The following TACC2 variants were observed in gnomAD, a reference collection of about 807,000 sequenced individuals.
TACC2 encodes transforming acidic coiled-coil-containing protein 2.
Under a neutral mutation model 227.3 loss-of-function variants are expected in TACC2, and 137 were observed. The ratio of observed to expected loss-of-function variants is 0.60; its 90% CI spans 0.52 to 0.69. The LOEUF is 0.69. TACC2 is among the 30% of genes least tolerant of loss of function. TACC2 has a pLI of 0.00. For missense variants in TACC2, 3,470 were observed against 3,694.4 expected, an observed-to-expected ratio of 0.94 and a Z score of 1.57; for synonymous variants, 1,523 against 1,487.5, an observed-to-expected ratio of 1.02 and a Z score of -0.55.
rs2079816817 is a variant in TACC2 at position 122,083,925 on chromosome 10, T to C, written c.1425T>C (p.Leu475=). ...GACTGGAGAGGCAGGTGTCAGATCTTGGAAGCAAGGGAGAGCATCCAGAAG... is the reference window on the plus strand; with the variant it reads ...GACTGGAGAGGCAGGTGTCAGATCTCGGAAGCAAGGGAGAGCATCCAGAAG... The part of the protein sequence containing the change: ...LVGLERQVSD[L]GSKGEHPEGD... Residue 475 remains leucine, a synonymous_variant, in exon 4 of 23, where the codon CTT becomes CTC. Coordinates refer to ENST00000369005, the MANE Select transcript of TACC2 (RefSeq NM_206862.4). 1.9e-6 allele frequency: 3 copies of C among 1,614,028 alleles called. No individual in the cohort carries two copies. Among genetic ancestry groups the C allele is most frequent in the Non-Finnish European group, 2.5e-6 (3 of 1,179,992 alleles).
intron 3 of TACC2, among the ~76,000 whole-genome samples, chr10:122,078,638 A>G (rs1043348547): frequency 4.6e-5 from 7 of 152,236 alleles, no homozygotes; most frequent in Non-Finnish European, 1.0e-4. Context: ...CAGAGGCTCT[A>G]TCCCACACAT....
intron 22 of TACC2, among the ~76,000 whole-genome samples, chr10:122,250,379 G>A (rs576963350): frequency 2.0e-5 from 3 of 152,334 alleles, no homozygotes; most frequent in South Asian, 2.1e-4. Flanking sequence ...GTTCCCCTGC[G>A]TAGTCATCCA....
At chr10:122,022,297 A>G in intron 2 of TACC2, 1 of 340,972 alleles carries the variant, frequency 2.9e-6, no homozygotes. Context: ...GCTTGAATGC[A>G]GTGGCATGAT....
intron 1 of TACC2, among the ~76,000 whole-genome samples, chr10:122,012,281 G>A (rs1184748810): frequency 6.6e-6 from 1 of 151,772 alleles, no homozygotes; most frequent in Non-Finnish European, 1.5e-5. Context: ...TTAGCTGGGT[G>A]TGGTGGCACA....
intron 7 of TACC2, chr10:122,192,511 T>G (rs2094442481): frequency 2.8e-6 from 1 of 358,246 alleles, no homozygotes; most frequent in Non-Finnish European, 5.6e-6. Context: ...AATCTCTGCT[T>G]GAGTGGGGCA....
At chr10:122,153,937 G>A (rs939268488) in intron 7 of TACC2, among the ~76,000 whole-genome samples, 3 of 152,022 alleles carry the variant, frequency 2.0e-5, no homozygotes, top group South Asian at 2.1e-4. Flanking sequence ...TCCTCCCTCC[G>A]GGCCCCCAAT....
At chr10:121,992,010 A>T (rs1236895792) in intron 1 of TACC2, among the ~76,000 whole-genome samples, 3 of 152,118 alleles carry the variant, frequency 2.0e-5, no homozygotes, top group African/African-American at 7.2e-5. Context: ...TGAGAACAAC[A>T]TGGGAAAGAC....
Position 122,043,491 on chromosome 10 carries a change from CTT to C in TACC2, c.34-6945_34-6944del, listed in dbSNP as rs1287934264. ...TTTCTTTCTTTTTCTCTTTCTTTTT[CTT>C]TCTTTCTTTTTCTCTTTCTTTTTCT... On this transcript the variant is annotated intron_variant, in intron 2 of 22. Transcript: ENST00000369005. 8.7e-3 allele frequency among the ~76,000 whole-genome samples: 1,289 copies of C among 148,816 alleles called. 20 individuals are homozygous for C. Among genetic ancestry groups the C allele is most frequent in the African/African-American group, 0.03 (1,222 of 40,440 alleles).
At position 122,192,445 on chromosome 10, in the gene TACC2, G is replaced by A. The variant is rs1220762609; in HGVS notation, c.5835-2595G>A. 1.8e-5 allele frequency: 6 copies of A among 327,044 alleles called. No individual in the cohort carries two copies. The East Asian group carries it at 3.1e-4, about 17-fold the overall frequency. 20.3% of individuals were successfully genotyped at this position (327,044 alleles called of 1,614,324 possible). ...CCTTTGTGCTTCAGAGCCTGCTGTCGCCAGTGCCCAGGAATGCAGAAGCCA... is the reference window on the plus strand; with the variant it reads ...CCTTTGTGCTTCAGAGCCTGCTGTCACCAGTGCCCAGGAATGCAGAAGCCA... On this transcript the variant is annotated intron_variant, in intron 7 of 22. Coordinates refer to ENST00000369005, the MANE Select transcript of TACC2 (RefSeq NM_206862.4).
intron 6 of TACC2, 52 bp from the exon 7 acceptor site, chr10:122,143,520 G>A: frequency 6.3e-7 from 1 of 1,584,888 alleles, no homozygotes; most frequent in Non-Finnish European, 8.6e-7. Context: ...TGATGAATGT[G>A]CCATTAATGA....
chr10:122,045,269 A>G (rs1373023459), intron 2 of TACC2, among the ~76,000 whole-genome samples: 1 of 152,228 alleles, frequency 6.6e-6, no homozygotes, highest in African/African-American at 2.4e-5. Flanking sequence ...TCCAATTGCT[A>G]TAATTCCTTG....
chr10:122,143,540 C>T (rs766804950), intron 6 of TACC2, 32 bp from the exon 7 acceptor site: 1 of 1,609,102 alleles, frequency 6.2e-7, no homozygotes, highest in Admixed American at 1.7e-5. Flanking sequence ...AGCCCAGCAC[C>T]ATGTGGAATA....
At chr10:122,021,086 C>T (rs957600418) in intron 1 of TACC2, among the ~76,000 whole-genome samples, 2 of 152,006 alleles carry the variant, frequency 1.3e-5, no homozygotes, top group East Asian at 1.9e-4. Context: ...AAAAATTAGC[C>T]AGGTGTGGTG....
At chr10:122,062,477 ATTTT>A (rs67512008) in intron 3 of TACC2, among the ~76,000 whole-genome samples, 2 of 142,896 alleles carry the variant, frequency 1.4e-5, no homozygotes. Flanking sequence ...CTAATTTTGA[ATTTT>A]TTTTTTTTTT....
intron 7 of TACC2, among the ~76,000 whole-genome samples, chr10:122,145,013 A>G (rs1423732169): frequency 6.6e-6 from 1 of 152,260 alleles, no homozygotes; most frequent in Non-Finnish European, 1.5e-5. Context: ...GAACATCCCC[A>G]GCTGTTTGGG....
At chr10:122,090,735 ATTAT>A (rs1013637679) in intron 5 of TACC2, among the ~76,000 whole-genome samples, 14 of 151,904 alleles carry the variant, frequency 9.2e-5, no homozygotes, top group South Asian at 2.1e-4. Flanking sequence ...TCCTTAAAAA[ATTAT>A]TTATTTATTC....
intron 2 of TACC2, chr10:122,022,295 G>A: frequency 2.9e-6 from 1 of 341,474 alleles, no homozygotes; most frequent in Non-Finnish European, 5.4e-6. Flanking sequence ...AGGCTTGAAT[G>A]CAGTGGCATG....
chr10:122,036,395 G>A (rs1237104352), intron 2 of TACC2, among the ~76,000 whole-genome samples: 21 of 151,000 alleles, frequency 1.4e-4, no homozygotes, highest in South Asian at 4.2e-4. Flanking sequence ...GAGTTTCACC[G>A]TGTTAGCCAG....
chr10:122,189,285 A>T (rs2140432103), intron 7 of TACC2, among the ~76,000 whole-genome samples: 1 of 152,286 alleles, frequency 6.6e-6, no homozygotes, highest in South Asian at 2.1e-4. Context: ...ATATCCATTT[A>T]CTCACAGAGT....
Sources: allele counts gnomAD v4.1 joint callset (sites outside exome capture counted in the v4.1 genomes callset), GRCh38; gene constraint gnomAD v4.1.1; transcripts MANE v1.5; gene names NCBI Gene and HGNC (gene_info 2026-07-23, HGNC 2026-07-21).